The following FRMD4A variants were observed in gnomAD, a reference collection of about 807,000 sequenced individuals.
FRMD4A encodes the protein FERM domain-containing protein 4A.
FRMD4A carries 29 observed loss-of-function variants against 129.1 expected under a neutral mutation model. The ratio of observed to expected loss-of-function variants is 0.22; its 90% CI spans 0.17 to 0.31. The LOEUF is 0.31. Ranked by LOEUF, FRMD4A falls within the 10% of genes least tolerant of loss-of-function variation. FRMD4A has a pLI of 1.00. For synonymous variants in FRMD4A, 634 were observed against 571.6 expected, an observed-to-expected ratio of 1.11 and a Z score of -1.56; for missense variants, 1,272 against 1,375.8, an observed-to-expected ratio of 0.92 and a Z score of 1.19.
intron 6 of FRMD4A, among the ~76,000 whole-genome samples, chr10:13,776,778 G>A (rs1296701246): frequency 1.3e-5 from 2 of 152,196 alleles, no homozygotes; most frequent in Non-Finnish European, 2.9e-5. Context: ...AACCTACGCT[G>A]GGTAAACCCA....
At chr10:13,893,107 G>A (rs1443443766) in intron 2 of FRMD4A, among the ~76,000 whole-genome samples, 1 of 152,106 alleles carries the variant, frequency 6.6e-6, no homozygotes, top group Non-Finnish European at 1.5e-5. Flanking sequence ...TGTGATCACG[G>A]CTCACTGTAA....
intron 2 of FRMD4A, among the ~76,000 whole-genome samples, chr10:14,100,510 G>A (rs755535208): frequency 6.6e-6 from 1 of 152,018 alleles, no homozygotes; most frequent in African/African-American, 2.4e-5. Flanking sequence ...ATTTCCCCCC[G>A]ACCCCTTAAA....
intron 7 of FRMD4A, 134 bp from the exon 8 acceptor site, chr10:13,761,803 G>C (rs1258989683): frequency 1.6e-6 from 1 of 635,572 alleles, no homozygotes; most frequent in Non-Finnish European, 2.8e-6. Flanking sequence ...CATCCTATTT[G>C]CTGCAGGAAT....
At chr10:14,049,870 A>C (rs1834176650) in intron 2 of FRMD4A, among the ~76,000 whole-genome samples, 1 of 152,196 alleles carries the variant, frequency 6.6e-6, no homozygotes, top group South Asian at 2.1e-4. Flanking sequence ...AAACAAAATA[A>C]AATAAAATAA....
Position 14,293,620 on chromosome 10 carries a change from GA to G in FRMD4A, c.45+36437del, listed in dbSNP as rs368317603. Among the ~76,000 whole-genome samples the G allele has an allele frequency of 2.8e-3, 411 of 147,026 alleles. 1 individual carries two copies. The highest frequency in any genetic ancestry group is 9.2e-3 in the African/African-American group (367 of 39,988). ...AATTGTAAGTTTTGATGAAGATAGA[GA>G]AAAAAAAAAACAAGCAATGCCCGTT... On this transcript the variant is annotated intron_variant, in intron 2 of 24. Coordinates refer to ENST00000357447, the MANE Select transcript of FRMD4A (RefSeq NM_018027.5).
intron 12 of FRMD4A, among the ~76,000 whole-genome samples, chr10:13,715,882 G>A (rs566903038): frequency 4.2e-5 from 6 of 142,334 alleles, no homozygotes; most frequent in Non-Finnish European, 6.0e-5. Context: ...TCTGGCCTGG[G>A]TGACAGAGTG....
intron 2 of FRMD4A, among the ~76,000 whole-genome samples, chr10:14,076,250 T>C (rs1835594504): frequency 6.6e-6 from 1 of 152,216 alleles, no homozygotes; most frequent in African/African-American, 2.4e-5. Flanking sequence ...CTTGGGATTT[T>C]TCCAGCATGG....
At chr10:14,124,854 T>C (rs1838743004) in intron 2 of FRMD4A, among the ~76,000 whole-genome samples, 1 of 152,160 alleles carries the variant, frequency 6.6e-6, no homozygotes, top group African/African-American at 2.4e-5. Flanking sequence ...AAAAGGCATG[T>C]TTAGAGTGTG....
intron 2 of FRMD4A, among the ~76,000 whole-genome samples, chr10:14,055,301 T>C (rs1490735961): frequency 6.6e-6 from 1 of 152,176 alleles, no homozygotes; most frequent in East Asian, 1.9e-4. Context: ...GTGGATCTGG[T>C]CTTTCCAGAC....
chr10:14,192,046 G>A (rs1353365103), intron 2 of FRMD4A, among the ~76,000 whole-genome samples: 1 of 152,144 alleles, frequency 6.6e-6, no homozygotes, highest in Non-Finnish European at 1.5e-5. Flanking sequence ...TTAAGCCAGA[G>A]TTGCTAATAA....
intron 2 of FRMD4A, among the ~76,000 whole-genome samples, chr10:13,864,163 T>G (rs1355622655): frequency 6.6e-6 from 1 of 151,698 alleles, no homozygotes; most frequent in Non-Finnish European, 1.5e-5. Flanking sequence ...GCTCCTGTAA[T>G]TTTTGTATTT....
intron 5 of FRMD4A, 92 bp downstream of exon 5, chr10:13,796,404 T>G: frequency 2.7e-6 from 2 of 734,990 alleles, no homozygotes; most frequent in Non-Finnish European, 2.5e-6. Flanking sequence ...AAGACAAACT[T>G]GAGCTCTCTT....
chr10:14,129,915 G>A (rs1008758503), intron 2 of FRMD4A, among the ~76,000 whole-genome samples: 2 of 152,156 alleles, frequency 1.3e-5, no homozygotes, highest in Admixed American at 1.3e-4. Flanking sequence ...GCTTTCCATG[G>A]CTGGAGCTGG....
chr10:14,276,639 AGCCCCT>A (rs1209540537), intron 2 of FRMD4A, among the ~76,000 whole-genome samples: 1 of 152,214 alleles, frequency 6.6e-6, no homozygotes, highest in Admixed American at 6.5e-5. Context: ...GAGAAGAGAT[AGCCCCT>A]ACATGGGGCC....
chr10:14,288,881 C>T (rs1346326268), intron 2 of FRMD4A, among the ~76,000 whole-genome samples: 2 of 152,150 alleles, frequency 1.3e-5, no homozygotes, highest in African/African-American at 4.8e-5. Context: ...CAGCATTTGT[C>T]CTTCTATGCA....
At chr10:14,225,894 T>G (rs181177074) in intron 2 of FRMD4A, among the ~76,000 whole-genome samples, 1 of 152,314 alleles carries the variant, frequency 6.6e-6, no homozygotes, top group Admixed American at 6.5e-5. Context: ...TCTCCCAGTG[T>G]GTTCTAGGGC....
At chr10:13,840,150 A>G (rs1457721713) in intron 3 of FRMD4A, among the ~76,000 whole-genome samples, 3 of 152,208 alleles carry the variant, frequency 2.0e-5, no homozygotes, top group South Asian at 4.1e-4. Flanking sequence ...TACTCCCAGC[A>G]TACCTCAGAA....
chr10:14,211,269 G>T (rs1018559243), intron 2 of FRMD4A, among the ~76,000 whole-genome samples: 3 of 152,104 alleles, frequency 2.0e-5, no homozygotes, highest in African/African-American at 7.2e-5. Context: ...ACCCTATGTG[G>T]CAGGTACTGT....
intron 2 of FRMD4A, among the ~76,000 whole-genome samples, chr10:13,887,702 G>A (rs567557036): frequency 2.6e-5 from 4 of 151,972 alleles, no homozygotes; most frequent in East Asian, 3.9e-4. Context: ...ATAACTGAAC[G>A]CACACACACA....
Sources: gnomAD v4.1 joint callset for allele counts (sites outside exome capture counted in the v4.1 genomes callset) on GRCh38, gnomAD v4.1.1 for gene constraint, MANE v1.5 for transcripts, NCBI Gene and HGNC (gene_info 2026-07-23, HGNC 2026-07-21) for gene names.